Variants in CREB5 observed in about 807,000 individuals in gnomAD.
The protein encoded by CREB5 is cyclic AMP-responsive element-binding protein 5.
A neutral mutation model predicts 57.1 loss-of-function variants in CREB5; 19 were observed. The ratio of observed to expected loss-of-function variants is 0.33; its 90% CI spans 0.23 to 0.49. The LOEUF is 0.49. Among genes scored for constraint, CREB5 ranks in the 20% least tolerant of loss-of-function variants. CREB5 has a pLI of 0.99. For missense variants in CREB5, 579 were observed against 671.6 expected (o/e 0.86, Z 1.52); for synonymous variants, 238 against 238.3 (o/e 1.00, Z 0.01).
intron 7 of CREB5, among the ~76,000 whole-genome samples, chr7:28,725,019 T>C (rs1018740047): frequency 3.9e-5 from 6 of 152,222 alleles, no homozygotes; most frequent in Admixed American, 1.3e-4. Context: ...TGATTATATT[T>C]AGTGGAGTTA....
At chr7:28,641,898 C>A (rs1798673917) in intron 5 of CREB5, among the ~76,000 whole-genome samples, 1 of 152,190 alleles carries the variant, frequency 6.6e-6, no homozygotes, top group African/African-American at 2.4e-5. Flanking sequence ...GCAAACACAT[C>A]TGTCTTTTGG....
intron 4 of CREB5, among the ~76,000 whole-genome samples, chr7:28,525,765 G>T (rs1793421489): frequency 1.3e-5 from 2 of 152,142 alleles, no homozygotes; most frequent in South Asian, 4.1e-4. Context: ...ATGTGTGTGT[G>T]TCTGTGTGTG....
intron 1 of CREB5, among the ~76,000 whole-genome samples, chr7:28,419,307 A>G (rs754168902): frequency 3.2e-4 from 48 of 152,230 alleles, no homozygotes; most frequent in South Asian, 8.3e-4. Flanking sequence ...TCTTTTATAA[A>G]ACACTTTAGC....
chr7:28,553,821 G>A (rs559901159), intron 4 of CREB5, among the ~76,000 whole-genome samples: 118 of 152,334 alleles, frequency 7.7e-4, no homozygotes, highest in African/African-American at 2.7e-3. Flanking sequence ...GCTATGCTTT[G>A]GGGAAGCTTG....
At chr7:28,692,425 T>C (rs1320743942) in intron 5 of CREB5, among the ~76,000 whole-genome samples, 3 of 152,166 alleles carry the variant, frequency 2.0e-5, no homozygotes, top group Admixed American at 6.5e-5. Context: ...GGTGAAACCC[T>C]GTCTCTACTA....
intron 5 of CREB5, among the ~76,000 whole-genome samples, chr7:28,619,965 G>C (rs1797734135): frequency 6.6e-6 from 1 of 152,124 alleles, no homozygotes; most frequent in Non-Finnish European, 1.5e-5. Context: ...AAAATTATTT[G>C]AAATACTATA....
intron 4 of CREB5, among the ~76,000 whole-genome samples, chr7:28,548,181 C>A (rs1268148921): frequency 6.6e-6 from 1 of 152,142 alleles, no homozygotes; most frequent in Non-Finnish European, 1.5e-5. Flanking sequence ...GTCTTTTTCA[C>A]AACTGAAACA....
chr7:28,755,249 C>T (rs1326080555), intron 7 of CREB5, among the ~76,000 whole-genome samples: 1 of 152,110 alleles, frequency 6.6e-6, no homozygotes, highest in African/African-American at 2.4e-5. Flanking sequence ...TGAGAGGTCA[C>T]TGAAGGAGGA....
intron 4 of CREB5, among the ~76,000 whole-genome samples, chr7:28,511,578 G>A (rs529056980): frequency 5.0e-4 from 76 of 152,250 alleles, no homozygotes; most frequent in African/African-American, 1.8e-3. Flanking sequence ...TCGACCTCTT[G>A]GGCTCAGTTG....
intron 4 of CREB5, 109 bp downstream of exon 4, chr7:28,507,846 T>C: frequency 7.9e-7 from 1 of 1,265,478 alleles, no homozygotes; most frequent in South Asian, 2.7e-5. Flanking sequence ...TGAAGTATTT[T>C]AGCCATTTGT....
intron 1 of CREB5, among the ~76,000 whole-genome samples, chr7:28,346,467 G>A (rs1268624751): frequency 2.0e-5 from 3 of 152,190 alleles, no homozygotes; most frequent in African/African-American, 7.2e-5. Context: ...CAAAGGTCCT[G>A]CCTCCTAATA....
intron 1 of CREB5, among the ~76,000 whole-genome samples, chr7:28,405,953 G>A (rs573431766): frequency 3.3e-5 from 5 of 152,232 alleles, no homozygotes; most frequent in African/African-American, 1.2e-4. Context: ...AAAATCCCTG[G>A]GGACGTCTGA....
intron 5 of CREB5, among the ~76,000 whole-genome samples, chr7:28,665,445 A>G (rs1285377723): frequency 6.6e-6 from 1 of 152,236 alleles, no homozygotes; most frequent in Admixed American, 6.5e-5. Context: ...AAGATGTTGT[A>G]CATGGGCCAT....
chr7:28,645,001 C>G (rs984813432), intron 5 of CREB5, among the ~76,000 whole-genome samples: 1 of 152,146 alleles, frequency 6.6e-6, no homozygotes, highest in Admixed American at 6.6e-5. Context: ...TTGGCCAACT[C>G]TCTTTTCAGA....
Position 28,468,347 on chromosome 7 carries a change from A to G in CREB5, c.4-19828A>G, listed in dbSNP as rs189281522. Among the ~76,000 whole-genome samples, 28 of 152,284 alleles carry G rather than the reference A, an allele frequency of 1.8e-4. No homozygotes were observed. In the East Asian group the frequency reaches 4.6e-3, roughly 25 times the overall value. On this transcript the variant is annotated intron_variant, in intron 1 of 10. Transcript: ENST00000357727. ...GCACCTGGATGGCAAGTTCTTTGGGATGTTGTCACATAGACTAAAGCATCA... is the reference window on the plus strand; with the variant it reads ...GCACCTGGATGGCAAGTTCTTTGGGGTGTTGTCACATAGACTAAAGCATCA...
At chr7:28,426,794 G>T (rs1310044645) in intron 1 of CREB5, among the ~76,000 whole-genome samples, 3 of 152,142 alleles carry the variant, frequency 2.0e-5, no homozygotes, top group Non-Finnish European at 2.9e-5. Context: ...CCCTCTCCTG[G>T]ATTGTAAGCT....
At chr7:28,443,551 G>A (rs1046243411) in intron 1 of CREB5, among the ~76,000 whole-genome samples, 6 of 152,118 alleles carry the variant, frequency 3.9e-5, no homozygotes, top group Middle Eastern at 3.2e-3. Context: ...ACACTTAGTC[G>A]CTCTATTTTA....
chr7:28,601,007 T>G (rs1048295178), intron 5 of CREB5, among the ~76,000 whole-genome samples: 1 of 152,088 alleles, frequency 6.6e-6, no homozygotes, highest in South Asian at 2.1e-4. Context: ...TCTGTCCACT[T>G]TCTAGTTGGG....
intron 5 of CREB5, among the ~76,000 whole-genome samples, chr7:28,648,071 A>T (rs1195636743): frequency 6.6e-6 from 1 of 152,216 alleles, no homozygotes; most frequent in Non-Finnish European, 1.5e-5. Flanking sequence ...CAGAGTTGGA[A>T]GGGATATTTG....
Sources: allele counts gnomAD v4.1 joint callset (sites outside exome capture counted in the v4.1 genomes callset), GRCh38; gene constraint gnomAD v4.1.1; transcripts MANE v1.5; gene names NCBI Gene and HGNC (gene_info 2026-07-23, HGNC 2026-07-21).